The following FAM168A variants were observed in gnomAD, a reference collection of about 807,000 sequenced individuals.
FAM168A encodes the protein family with sequence similarity 168 member A.
Under a neutral mutation model 28.5 loss-of-function variants are expected in FAM168A, and 3 were observed. The ratio of observed to expected loss-of-function variants is 0.11; its 90% CI spans 0.05 to 0.27. The LOEUF (loss-of-function observed/expected upper bound fraction) is 0.27. FAM168A is among the 10% of genes least tolerant of loss of function. The pLI is 1.00. For synonymous variants in FAM168A, 122 were observed against 124.2 expected, an observed-to-expected ratio of 0.98 and a Z score of 0.12; for missense variants, 222 against 311.5, an observed-to-expected ratio of 0.71 and a Z score of 2.16.
intron 2 of FAM168A, among the ~76,000 whole-genome samples, chr11:73,462,293 G>A (rs1867660314): frequency 6.6e-6 from 1 of 152,168 alleles, no homozygotes; most frequent in African/African-American, 2.4e-5. Context: ...AGGAAATCCT[G>A]ACACACGGAT....
At chr11:73,578,159 T>C (rs1004647899) in intron 1 of FAM168A, among the ~76,000 whole-genome samples, 2 of 152,220 alleles carry the variant, frequency 1.3e-5, no homozygotes, top group Non-Finnish European at 2.9e-5. Flanking sequence ...GGGAAGATGG[T>C]AGAATCCCTG....
At chr11:73,436,817 T>C (rs1867094808) in intron 2 of FAM168A, among the ~76,000 whole-genome samples, 1 of 152,200 alleles carries the variant, frequency 6.6e-6, no homozygotes, top group South Asian at 2.1e-4. Context: ...TGCCATTTAC[T>C]TTGCCAAAAT....
intron 7 of FAM168A, among the ~76,000 whole-genome samples, chr11:73,407,293 A>C (rs1267509182): frequency 5.3e-5 from 8 of 152,310 alleles, no homozygotes; most frequent in Non-Finnish European, 1.2e-4. Flanking sequence ...AGGGATAGCT[A>C]TTATTATTTC....
At chr11:73,509,202 A>G (rs997365519) in intron 1 of FAM168A, among the ~76,000 whole-genome samples, 3 of 152,220 alleles carry the variant, frequency 2.0e-5, no homozygotes, top group African/African-American at 7.2e-5. Context: ...CAGCTTATCC[A>G]TGATCACACA....
intron 1 of FAM168A, among the ~76,000 whole-genome samples, chr11:73,544,950 ATATAT>A (rs1329490187): frequency 1.1e-5 from 1 of 91,340 alleles, no homozygotes; most frequent in African/African-American, 6.1e-5. Context: ...GTAATATATA[ATATAT>A]TATATATAAT....
chr11:73,529,626 A>G (rs1943491021), intron 1 of FAM168A, among the ~76,000 whole-genome samples: 1 of 152,150 alleles, frequency 6.6e-6, no homozygotes, highest in Non-Finnish European at 1.5e-5. Context: ...CACAAGAAAA[A>G]TGACATTCAA....
intron 1 of FAM168A, among the ~76,000 whole-genome samples, chr11:73,511,138 C>G (rs951519249): frequency 6.6e-5 from 10 of 151,350 alleles, no homozygotes; most frequent in Admixed American, 2.6e-4. Context: ...CCATTCAGCC[C>G]AGAGCCAAGG....
chr11:73,542,268 C>T (rs1251853497), intron 1 of FAM168A, among the ~76,000 whole-genome samples: 2 of 152,154 alleles, frequency 1.3e-5, no homozygotes, highest in African/African-American at 4.8e-5. Context: ...TATCTAATAA[C>T]CATTGTAAAA....
intron 3 of FAM168A, 70 bp downstream of exon 3, chr11:73,430,620 G>T: frequency 7.2e-7 from 1 of 1,391,698 alleles, no homozygotes. Context: ...GCCAGCAAGT[G>T]GTTTTGCTTT....
intron 2 of FAM168A, among the ~76,000 whole-genome samples, chr11:73,439,955 T>A (rs928021839): frequency 6.7e-6 from 1 of 149,480 alleles, no homozygotes; most frequent in Non-Finnish European, 1.5e-5. Context: ...GTGTGATCTC[T>A]GCTCACTGCA....
At chr11:73,564,275 G>C (rs908481736) in intron 1 of FAM168A, among the ~76,000 whole-genome samples, 1 of 152,262 alleles carries the variant, frequency 6.6e-6, no homozygotes. Flanking sequence ...AGCAAAGCAG[G>C]GGGGAGGTGT....
At chr11:73,480,894 A>T (rs940342055) in intron 1 of FAM168A, among the ~76,000 whole-genome samples, 3 of 152,218 alleles carry the variant, frequency 2.0e-5, no homozygotes, top group African/African-American at 7.2e-5. Flanking sequence ...ATTTTGAAAT[A>T]GCATTTTTCT....
chr11:73,412,581 G>A (rs1027181389), intron 4 of FAM168A, among the ~76,000 whole-genome samples: 9 of 152,234 alleles, frequency 5.9e-5, no homozygotes, highest in African/African-American at 2.2e-4. Context: ...CGGAACCCAA[G>A]TGATCATCAA....
chr11:73,505,678 C>G lies in FAM168A; in HGVS notation c.-18-37186G>C, dbSNP rs186417341. On this transcript the variant is annotated intron_variant, in intron 1 of 7. Transcript: ENST00000356467. ...GAGAAGGTGCTACCTAAGAAAAGAC[C>G]TAAAGGAGGAAAGAGAACAAGCCAG... Among the ~76,000 whole-genome samples, 37 of 152,168 alleles carry G rather than the reference C, an allele frequency of 2.4e-4. 1 individual carries two copies. The East Asian group carries it at 6.4e-3, about 26-fold the overall frequency.
intron 1 of FAM168A, among the ~76,000 whole-genome samples, chr11:73,506,251 G>A (rs1170897111): frequency 2.0e-5 from 3 of 152,166 alleles, no homozygotes; most frequent in African/African-American, 4.8e-5. Flanking sequence ...GATGTGGGCT[G>A]TGAAGAAACT....
At chr11:73,562,904 G>A (rs1364177565) in intron 1 of FAM168A, among the ~76,000 whole-genome samples, 5 of 152,128 alleles carry the variant, frequency 3.3e-5, no homozygotes, top group African/African-American at 4.8e-5. Flanking sequence ...AGTACCAGCT[G>A]AGCATATTTA....
chr11:73,500,210 C>A (rs1180762907), intron 1 of FAM168A, among the ~76,000 whole-genome samples: 1 of 151,698 alleles, frequency 6.6e-6, no homozygotes, highest in Non-Finnish European at 1.5e-5. Flanking sequence ...AGATTGGGGG[C>A]CAATATTCAA....
intron 1 of FAM168A, among the ~76,000 whole-genome samples, chr11:73,559,935 C>T (rs1003529779): frequency 2.0e-5 from 3 of 152,198 alleles, no homozygotes; most frequent in East Asian, 1.9e-4. Context: ...AAAAACAGCA[C>T]TGAGGAGTTG....
At chr11:73,545,573 T>C (rs1008452088) in intron 1 of FAM168A, among the ~76,000 whole-genome samples, 4 of 152,040 alleles carry the variant, frequency 2.6e-5, no homozygotes, top group Non-Finnish European at 5.9e-5. Flanking sequence ...ACAATTTAAA[T>C]GAGTGAATTG....
Sources: gnomAD v4.1 joint callset for allele counts (sites outside exome capture counted in the v4.1 genomes callset) on GRCh38, gnomAD v4.1.1 for gene constraint, MANE v1.5 for transcripts, NCBI Gene and HGNC (gene_info 2026-07-23, HGNC 2026-07-21) for gene names.